MYO7B: variants seen among roughly 807,000 people sequenced by gnomAD.
MYO7B encodes the protein unconventional myosin-VIIb.
A neutral mutation model predicts 259.7 loss-of-function variants in MYO7B; 212 were observed. The ratio of observed to expected loss-of-function variants is 0.82; its 90% CI spans 0.73 to 0.91. The LOEUF (loss-of-function observed/expected upper bound fraction) is 0.91, where lower values mean the gene tolerates loss of function less well. MYO7B is among the 40% of genes least tolerant of loss of function. The pLI is 0.00. For missense variants in MYO7B, 2,732 were observed against 2,813.5 expected, an observed-to-expected ratio of 0.97 and a Z score of 0.66; for synonymous variants, 1,197 against 1,166.4, an observed-to-expected ratio of 1.03 and a Z score of -0.54.
In MYO7B at chr2:127,576,520, A is replaced by C; in HGVS notation, c.736-75A>C. The C allele has an allele frequency of 1.1e-6, 1 of 907,788 alleles. No homozygotes were observed. Among genetic ancestry groups the C allele is most frequent in the Non-Finnish European group, 1.7e-6 (1 of 602,570 alleles). 56.2% of individuals were successfully genotyped at this position (907,788 alleles called of 1,614,324 possible). A position where few individuals can be genotyped will look rare whatever the true frequency, so the allele number is the denominator to read the frequency against. On this transcript the variant is annotated intron_variant, in intron 7 of 47. Transcript: ENST00000409816. This position sits in a 1 kb window ranked among gnomAD's most constrained non-coding sequence, Gnocchi z 4.9. ...AGCGGAGGCCAGGGCTGGGCTGGGC[A>C]GAGGCAGTCTGAGGCCCTGAGGCCT... is the stretch of plus-strand genomic sequence containing the variant.
At chr2:127,573,394 G>A (rs1231738893) in intron 6 of MYO7B, among the ~76,000 whole-genome samples, 2 of 152,166 alleles carry the variant, frequency 1.3e-5, no homozygotes, top group African/African-American at 4.8e-5. Context: ...TGCAGAAACA[G>A]CTTTACAAAA....
chr2:127,633,459 G>A, intron 40 of MYO7B, 96 bp downstream of exon 40: 3 of 1,257,228 alleles, frequency 2.4e-6, no homozygotes, highest in Non-Finnish European at 3.4e-6. Context: ...GGTAACCCCA[G>A]AGAGCCTTTT....
chr2:127,543,800 A>G (rs1693105240), intron 1 of MYO7B, among the ~76,000 whole-genome samples: 1 of 151,596 alleles, frequency 6.6e-6, no homozygotes, highest in South Asian at 2.1e-4. Context: ...GCTGGAGTGC[A>G]GTGGCGCGAT....
intron 20 of MYO7B, 27 bp downstream of exon 20, chr2:127,605,955 G>GC (rs11382004): frequency 1 from 1,602,529 of 1,602,698 alleles, 801,180 homozygotes; most frequent in Middle Eastern, 1. Flanking sequence ...GGGCGGCTGG[G>GC]CCGCGGGACC....
In MYO7B at chr2:127,577,703, T is replaced by G. The variant is rs915092182; in HGVS notation, c.850-430T>G. ...TCTCGATAGGGCTGGCCCCGGCCCC[T>G]GTGGTCTGGGCACCTGTAACAGGCA... On this transcript the variant is annotated intron_variant, in intron 8 of 47. Coordinates refer to ENST00000409816, the MANE Select transcript of MYO7B (RefSeq NM_001393586.1). This position sits in a 1 kb window ranked among gnomAD's most constrained non-coding sequence, Gnocchi z 5.2. 3.3e-5 allele frequency among the ~76,000 whole-genome samples: 5 copies of G among 152,220 alleles called. No individual in the cohort carries two copies. The highest frequency in any genetic ancestry group is 1.2e-4 in the African/African-American group (5 of 41,454).
chr2:127,624,370 A>T (rs773136820), intron 30 of MYO7B, 50 bp downstream of exon 30: 1 of 1,508,110 alleles, frequency 6.6e-7, no homozygotes, highest in South Asian at 1.2e-5. Context: ...ATCAGGAAAC[A>T]TCCCATAGAG....
At position 127,576,459 on chromosome 2, in the gene MYO7B, G is replaced by C; in HGVS notation, c.736-136G>C. On this transcript the variant is annotated intron_variant, in intron 7 of 47. Coordinates refer to ENST00000409816, the MANE Select transcript of MYO7B (RefSeq NM_001393586.1). This position sits in a 1 kb window ranked among gnomAD's most constrained non-coding sequence, Gnocchi z 4.9. Reference sequence around the variant, plus strand: ...AGCAACCAAGCCAGGCTGGCCCTGGGTCAGTGCCAGAGCTGCTCCTGGCTG... The same window carrying C: ...AGCAACCAAGCCAGGCTGGCCCTGGCTCAGTGCCAGAGCTGCTCCTGGCTG... 1 of 538,564 alleles carries C rather than the reference G, an allele frequency of 1.9e-6. No individual in the cohort carries two copies. The highest frequency in any genetic ancestry group is 3.2e-6 in the Non-Finnish European group (1 of 310,908). 33.4% of individuals were successfully genotyped at this position (538,564 alleles called of 1,614,324 possible). A position where few individuals can be genotyped will look rare whatever the true frequency, so the allele number is the denominator to read the frequency against.
chr2:127,629,810 C>T lies in MYO7B; in HGVS notation c.4790C>T (p.Pro1597Leu), dbSNP rs1681367448. ...TACACCATCCCCACGGTCACTAAGC[C>T]CTCGGCACAGCTGCTGGTAACTGGC... is the stretch of plus-strand genomic sequence containing the variant. ...CLYTIPTVTK[P>L]SAQLLSLLAM... is the part of the protein sequence containing the mutation. The change falls in exon 35 of 48, where the codon CCC (proline) becomes CTC (leucine). Residue 1597 changes from proline to leucine, a missense_variant. This residue lies in a region of MYO7B where 821 missense variants were observed against 769.3 expected (regional missense o/e 1.07). Transcript: ENST00000409816. 1 of 1,569,738 alleles carries T rather than the reference C, an allele frequency of 6.4e-7. No homozygotes were observed. Among genetic ancestry groups the T allele is most frequent in the African/African-American group, 1.4e-5 (1 of 73,460 alleles).
intron 47 of MYO7B, 143 bp downstream of exon 47, chr2:127,637,056 C>A (rs1193206368): frequency 6.2e-5 from 86 of 1,391,166 alleles, no homozygotes; most frequent in Non-Finnish European, 8.4e-5. Context: ...CTGGAGAGGG[C>A]CTGGGTGCAT....
chr2:127,632,348 GA>G lies in MYO7B; in HGVS notation c.5353del (p.Arg1785GlyfsTer17). ...ATGCCCAGAAGTTTATAGACACTCG[GA>G]GGGGGAAGCTGCTGGCCCCCGACTG... ...PHAQKFIDTR[R>X]GKLLAPDCSR... On this transcript the variant is annotated frameshift_variant, in exon 39 of 48. Coordinates refer to ENST00000409816, the MANE Select transcript of MYO7B (RefSeq NM_001393586.1). LOFTEE classifies it high-confidence loss of function. 1 of 1,601,170 alleles carries G rather than the reference GA, an allele frequency of 6.2e-7. No homozygotes were observed. Among genetic ancestry groups the G allele is most frequent in the Non-Finnish European group, 8.5e-7 (1 of 1,173,592 alleles).
In MYO7B at chr2:127,609,921, A is replaced by G; in HGVS notation, c.3097A>G (p.Ser1033Gly). ...DLPEPVLYAR[S>G]SQQGSSVMRQ... ...CCCAGAGCCAGTGCTGTATGCCAGGAGCAGCCAGCAGGGCAGCTCAGTGAT... is the reference window on the plus strand; with the variant it reads ...CCCAGAGCCAGTGCTGTATGCCAGGGGCAGCCAGCAGGGCAGCTCAGTGAT... The change falls in exon 24 of 48, where the codon AGC (serine) becomes GGC (glycine). Residue 1033 changes from serine to glycine, a missense_variant. Physicochemically the swap from Ser to Gly is moderately conservative, Grantham distance 56 (BLOSUM62 0). Around this residue, in one of 3 missense-constraint regions of MYO7B, gnomAD observed 1,906 missense variants for 2,026.4 expected, o/e 0.94. Coordinates refer to ENST00000409816, the MANE Select transcript of MYO7B (RefSeq NM_001393586.1). The surrounding 1 kb of genome is among the most constrained non-coding windows in gnomAD (Gnocchi z 6.9). The G allele has an allele frequency of 6.2e-7, 1 of 1,609,888 alleles. No homozygotes were observed. The highest frequency in any genetic ancestry group is 8.5e-7 in the Non-Finnish European group (1 of 1,177,972).
At chr2:127,550,595 G>T (rs1361696242) in intron 1 of MYO7B, among the ~76,000 whole-genome samples, 1 of 151,302 alleles carries the variant, frequency 6.6e-6, no homozygotes, top group Admixed American at 6.6e-5. Flanking sequence ...ATTTAGTGGT[G>T]CCCCAGAAGC....
intron 18 of MYO7B, among the ~76,000 whole-genome samples, chr2:127,594,843 A>G (rs568400644): frequency 6.3e-4 from 96 of 152,276 alleles, no homozygotes; most frequent in African/African-American, 2.3e-3. Flanking sequence ...GTAGTGGATA[A>G]GCTTTTTGAT....
intron 1 of MYO7B, among the ~76,000 whole-genome samples, chr2:127,553,138 A>G (rs983405710): frequency 2.0e-5 from 3 of 152,218 alleles, no homozygotes; most frequent in Non-Finnish European, 4.4e-5. Flanking sequence ...CTTTCACTGG[A>G]CAAGTATTGA....
At chr2:127,589,468 T>C (rs964614576) in intron 15 of MYO7B, among the ~76,000 whole-genome samples, 1 of 149,130 alleles carries the variant, frequency 6.7e-6, no homozygotes, top group Non-Finnish European at 1.5e-5. Flanking sequence ...ATAGGAGAAG[T>C]GACTTTGTGC....
chr2:127,608,949 G>A lies in MYO7B; in HGVS notation c.2814+71G>A, dbSNP rs1300118486. 9.1e-6 allele frequency: 14 copies of A among 1,531,660 alleles called. No individual in the cohort carries two copies. The Admixed American group carries it at 2.0e-4, about 21-fold the overall frequency. 94.9% of individuals were successfully genotyped at this position (1,531,660 alleles called of 1,614,324 possible). On this transcript the variant is annotated intron_variant, in intron 22 of 47. Transcript: ENST00000409816. ...GAAGCCTGCCCAGTCCGTGAACTCAGTCCACCTCTCGGCTCCCTGAGAAGC... is the reference window on the plus strand; with the variant it reads ...GAAGCCTGCCCAGTCCGTGAACTCAATCCACCTCTCGGCTCCCTGAGAAGC...
chr2:127,550,592 G>T (rs6727506), intron 1 of MYO7B, among the ~76,000 whole-genome samples: 96,125 of 150,740 alleles, frequency 0.64, 32,344 homozygotes, highest in East Asian at 0.76. Flanking sequence ...GAGATTTAGT[G>T]GTGCCCCAGA....
chr2:127,595,447 GT>G (rs1679727883), intron 18 of MYO7B, among the ~76,000 whole-genome samples: 2 of 152,022 alleles, frequency 1.3e-5, no homozygotes, highest in Admixed American at 6.6e-5. Context: ...TTTTTGAAGA[GT>G]TTTTCGTATC....
chr2:127,606,759 A>G (rs895021358), intron 20 of MYO7B, among the ~76,000 whole-genome samples: 2 of 152,152 alleles, frequency 1.3e-5, no homozygotes, highest in African/African-American at 4.8e-5. Context: ...TCATCCATTT[A>G]TTACTGCACT....
Sources: allele counts gnomAD v4.1 joint callset (sites outside exome capture counted in the v4.1 genomes callset), GRCh38; gene constraint gnomAD v4.1.1; regional missense constraint gnomAD v4.1.1; non-coding constraint Gnocchi (gnomAD v3.1); transcripts MANE v1.5; gene names NCBI Gene and HGNC (gene_info 2026-07-23, HGNC 2026-07-21).